Variants in CFAP299 observed in about 807,000 individuals in gnomAD.
The protein encoded by CFAP299 is cilia and flagella associated protein 299.
Under a neutral mutation model 27.0 loss-of-function variants are expected in CFAP299, and 21 were observed. That is an observed-to-expected ratio of 0.78 (90% CI 0.55 to 1.12). The LOEUF (loss-of-function observed/expected upper bound fraction) is 1.12, where lower values mean the gene tolerates loss of function less well. CFAP299 is among the 50% of genes most tolerant of loss of function. The pLI is 0.00. For synonymous variants in CFAP299, 104 were observed against 98.1 expected, an observed-to-expected ratio of 1.06 and a Z score of -0.36; for missense variants, 310 against 276.6, an observed-to-expected ratio of 1.12 and a Z score of -0.86.
Position 80,872,997 on chromosome 4 carries a change from C to T in CFAP299, c.476+2862C>T, listed in dbSNP as rs1373689455. On this transcript the variant is annotated intron_variant, in intron 4 of 5. Transcript: ENST00000358105. The stretch of plus-strand genomic sequence containing the variant: ...TCATCTTAATGCATTTTAAACTTTA[C>T]CTCTGCAGTTTGTGCTTTTGTATTT... 5.1e-6 allele frequency: 5 copies of T among 981,888 alleles called. No homozygotes were observed. In the African/African-American group the frequency reaches 8.8e-5, roughly 17 times the overall value. The allele number at this position is 981,888 out of a possible 1,614,324, so 60.8% of individuals were successfully genotyped here.
intron 2 of CFAP299, chr4:80,387,834 T>A (rs1725099198): frequency 1.4e-6 from 2 of 1,448,094 alleles, no homozygotes; most frequent in Admixed American, 1.7e-5. Context: ...CTTCCAGGAG[T>A]CCCCTGGTAC....
chr4:80,487,514 T>TC (rs1176812590), intron 2 of CFAP299, among the ~76,000 whole-genome samples: 1 of 152,178 alleles, frequency 6.6e-6, no homozygotes, highest in African/African-American at 2.4e-5. Context: ...CACCATATTC[T>TC]CCTTAAGTTA....
chr4:80,625,711 G>GAAGGGCTGGAGAAAAAAT (rs1300315971), intron 3 of CFAP299, among the ~76,000 whole-genome samples: 44 of 152,056 alleles, frequency 2.9e-4, no homozygotes, highest in Admixed American at 2.2e-3. Flanking sequence ...GCATGTAAAT[G>GAAGGGCTGGAGAAAAAAT]GTAGCCAAAC....
intron 2 of CFAP299, among the ~76,000 whole-genome samples, chr4:80,463,274 GGCTA>G (rs1157762568): frequency 2.0e-5 from 3 of 151,774 alleles, no homozygotes; most frequent in African/African-American, 7.3e-5. Flanking sequence ...TATAGCAAAT[GGCTA>G]TTTTAAAAAA....
At chr4:80,912,000 C>A (rs1735496320) in intron 4 of CFAP299, among the ~76,000 whole-genome samples, 1 of 151,650 alleles carries the variant, frequency 6.6e-6, no homozygotes, top group African/African-American at 2.4e-5. Flanking sequence ...GAAAGCTGAC[C>A]TCTGGGCACT....
chr4:80,811,099 C>A (rs1179423659), intron 3 of CFAP299, among the ~76,000 whole-genome samples: 2 of 152,002 alleles, frequency 1.3e-5, no homozygotes, highest in African/African-American at 4.8e-5. Context: ...GTTGGTTTAT[C>A]CAAACCACCT....
At chr4:80,666,923 G>C (rs1443439884) in intron 3 of CFAP299, among the ~76,000 whole-genome samples, 1 of 152,132 alleles carries the variant, frequency 6.6e-6, no homozygotes, top group African/African-American at 2.4e-5. Context: ...CCTGACTGAG[G>C]TTTGTCTACC....
At chr4:80,936,589 G>A (rs558676910) in intron 4 of CFAP299, among the ~76,000 whole-genome samples, 1 of 152,010 alleles carries the variant, frequency 6.6e-6, no homozygotes, top group Non-Finnish European at 1.5e-5. Flanking sequence ...TAAATGATGA[G>A]AACTCATGGC....
chr4:80,834,244 T>C (rs1201838866), intron 3 of CFAP299, among the ~76,000 whole-genome samples: 5 of 152,178 alleles, frequency 3.3e-5, no homozygotes, highest in African/African-American at 1.2e-4. Flanking sequence ...TTAAAGGGAC[T>C]GTCTGAAAGA....
At chr4:80,828,441 A>G (rs1171768604) in intron 3 of CFAP299, among the ~76,000 whole-genome samples, 1 of 152,088 alleles carries the variant, frequency 6.6e-6, no homozygotes, top group Non-Finnish European at 1.5e-5. Context: ...TACAGTTTGG[A>G]TATTCCTCCC....
chr4:80,425,107 G>A (rs1321092295), intron 2 of CFAP299, among the ~76,000 whole-genome samples: 1 of 152,144 alleles, frequency 6.6e-6, no homozygotes, highest in Non-Finnish European at 1.5e-5. Context: ...CCCAAAAAGC[G>A]TGTGTTATAA....
At chr4:80,790,683 C>G (rs1006451915) in intron 3 of CFAP299, among the ~76,000 whole-genome samples, 1 of 151,934 alleles carries the variant, frequency 6.6e-6, no homozygotes, top group African/African-American at 2.4e-5. Flanking sequence ...AATTCCAGCC[C>G]CTAGAACACA....
At chr4:80,591,162 C>T (rs1295692938) in intron 3 of CFAP299, among the ~76,000 whole-genome samples, 11 of 119,762 alleles carry the variant, frequency 9.2e-5, no homozygotes, top group Non-Finnish European at 1.5e-4. Context: ...CTCGCTCTGT[C>T]GCCCAGGCTG....
chr4:80,324,210 A>T, the CFAP299 span, among the ~76,000 whole-genome samples: 1 of 152,118 alleles, frequency 6.6e-6, no homozygotes, highest in Non-Finnish European at 1.5e-5. Flanking sequence ...CGATATTCTT[A>T]AACTACATTA....
intron 3 of CFAP299, among the ~76,000 whole-genome samples, chr4:80,774,661 A>T (rs1298521123): frequency 6.6e-6 from 1 of 151,994 alleles, no homozygotes; most frequent in East Asian, 1.9e-4. Flanking sequence ...TAATTTTCAT[A>T]TGTCGATTTG....
At position 80,407,615 on chromosome 4, in the gene CFAP299, G is replaced by T. The variant is rs138285246; in HGVS notation, c.242+44731G>T. On this transcript the variant is annotated intron_variant, in intron 2 of 5. Coordinates refer to ENST00000358105, the MANE Select transcript of CFAP299 (RefSeq NM_152770.3). ...TTTGTTCACCAAAGCAAGTCACAAG[G>T]CTAGCCCTGATGCAAAGGGTGAAGA... is the stretch of plus-strand genomic sequence containing the variant. Among the ~76,000 whole-genome samples, 15 of 152,300 alleles carry T rather than the reference G, an allele frequency of 9.8e-5. No individual in the cohort carries two copies. The East Asian group carries it at 2.3e-3, about 23-fold the overall frequency.
chr4:80,658,169 A>G (rs1740661384), intron 3 of CFAP299, among the ~76,000 whole-genome samples: 1 of 152,186 alleles, frequency 6.6e-6, no homozygotes, highest in Admixed American at 6.5e-5. Context: ...CAATCATGTC[A>G]TCTTCAAACA....
intron 2 of CFAP299, among the ~76,000 whole-genome samples, chr4:80,366,511 A>G (rs1248411039): frequency 6.6e-6 from 1 of 152,220 alleles, no homozygotes; most frequent in East Asian, 1.9e-4. Flanking sequence ...TTAGACAACC[A>G]TAGTGCATTA....
chr4:80,802,473 TATG>T (rs1728662947), intron 3 of CFAP299, among the ~76,000 whole-genome samples: 2 of 152,046 alleles, frequency 1.3e-5, no homozygotes, highest in Admixed American at 6.6e-5. Context: ...TATTAGCTGC[TATG>T]ATGTCAGTTC....
Sources: gnomAD v4.1 joint callset for allele counts (sites outside exome capture counted in the v4.1 genomes callset) on GRCh38, gnomAD v4.1.1 for gene constraint, MANE v1.5 for transcripts, NCBI Gene and HGNC (gene_info 2026-07-23, HGNC 2026-07-21) for gene names.